DOT1L: variants seen among roughly 807,000 people sequenced by gnomAD.
DOT1L encodes histone-lysine N-methyltransferase, H3 lysine-79 specific.
DOT1L carries 33 observed loss-of-function variants against 153.3 expected under a neutral mutation model. The observed-to-expected ratio is 0.22, with a 90% CI of 0.16 to 0.29. DOT1L has a LOEUF of 0.29. DOT1L is among the 10% of genes least tolerant of loss of function. DOT1L has a pLI of 1.00. For synonymous variants in DOT1L, 1,135 were observed against 965.1 expected (o/e 1.18, Z -3.26); for missense variants, 1,847 against 2,119.9 (o/e 0.87, Z 2.53).
At chr19:2,215,925 G>A (rs1397673824) in intron 19 of DOT1L, 3 of 213,750 alleles carry the variant, frequency 1.4e-5, no homozygotes, top group South Asian at 1.6e-4. Flanking sequence ...CTCAGCGCCC[G>A]GGGAAGCTGC....
intron 16 of DOT1L, chr19:2,213,193 C>T: frequency 4.4e-6 from 1 of 228,668 alleles, no homozygotes; most frequent in Non-Finnish European, 8.8e-6. Context: ...GGCTTCCTTG[C>T]AGATCCATGT....
chr19:2,220,511 G>T lies in DOT1L; in HGVS notation c.2806+289G>T. 1.9e-6 allele frequency: 1 copy of T among 533,204 alleles called. No homozygotes were observed. Among genetic ancestry groups the T allele is most frequent in the Non-Finnish European group, 3.6e-6 (1 of 276,518 alleles). The allele number at this position is 533,204 out of a possible 1,614,324, so 33.0% of individuals were successfully genotyped here. On this transcript the variant is annotated intron_variant, in intron 23 of 27. Coordinates refer to ENST00000398665, the MANE Select transcript of DOT1L (RefSeq NM_032482.3). The surrounding 1 kb of genome is among the most constrained non-coding windows in gnomAD (Gnocchi z 4.5). ...GTGAGGTCGGCCCCAGTGCTCTCGG[G>T]GGCTCCTGTACTCACAGCTGGGAGG...
chr19:2,217,676 G>A lies in DOT1L; in HGVS notation c.2545-96G>A, dbSNP rs1369244221. On this transcript the variant is annotated intron_variant, in intron 21 of 27. Coordinates refer to ENST00000398665, the MANE Select transcript of DOT1L (RefSeq NM_032482.3). This position sits in a 1 kb window ranked among gnomAD's most constrained non-coding sequence, Gnocchi z 7.3. ...GCCTTGGCAGCGTGGGGGCCGCCTT[G>A]AGAGAGCTGTAGCAGGCCCCCGTCC... 10 of 1,496,382 alleles carry A rather than the reference G, an allele frequency of 6.7e-6. No individual in the cohort carries two copies. In the East Asian group the frequency reaches 1.5e-4, roughly 22 times the overall value. The allele number at this position is 1,496,382 out of a possible 1,614,324, so 92.7% of individuals were successfully genotyped here. A position where few individuals can be genotyped will look rare whatever the true frequency, so the allele number is the denominator to read the frequency against.
chr19:2,229,848 C>CGCG lies in DOT1L; in HGVS notation c.*59_*61dup. On this transcript the variant is annotated 3_prime_UTR_variant, in exon 28 of 28. Coordinates refer to ENST00000398665, the MANE Select transcript of DOT1L (RefSeq NM_032482.3). ...AGGACGGTGTGGACCAACTCGCGCC[C>CGCG]GCGGCATGGTGCCCGCCGGCCTGCC... The CGCG allele has an allele frequency of 6.2e-7, 1 of 1,612,022 alleles. No homozygotes were observed. Among genetic ancestry groups the CGCG allele is most frequent in the Non-Finnish European group, 8.5e-7 (1 of 1,179,848 alleles).
chr19:2,225,451 T>C lies in DOT1L; in HGVS notation c.3660T>C (p.Asn1220=), dbSNP rs767183417. Residue 1220 remains asparagine (N), a splice_region_variant and synonymous_variant, in exon 26 of 28, where the codon AAT becomes AAC. Transcript: ENST00000398665. ...AATCTCCCCCGAAAACCTTGGAAAA[T>C]GGTGAGTAACAAGTGTTTTGCGGCG... ...ESKSPPKTLE[N]GGGLAGRKPA... is the part of the protein sequence containing the mutation. The C allele has an allele frequency of 1.3e-5, 21 of 1,613,780 alleles. No individual in the cohort carries two copies. The highest frequency in any genetic ancestry group is 1.6e-5 in the Non-Finnish European group (19 of 1,179,968).
rs368200094 is a variant in DOT1L at position 2,201,370 on chromosome 19, C to T, written c.708-1330C>T. On this transcript the variant is annotated intron_variant, in intron 8 of 27. Coordinates refer to ENST00000398665, the MANE Select transcript of DOT1L (RefSeq NM_032482.3). ...CGTCCTCCCCGCTCCCCTCCTTCTC[C>T]CTGCATTCCTCATCCTCCCCATGCC... Among the ~76,000 whole-genome samples the T allele has an allele frequency of 2.0e-5, 3 of 152,092 alleles. No homozygotes were observed. The East Asian group carries it at 5.8e-4, about 29-fold the overall frequency.
intron 7 of DOT1L, among the ~76,000 whole-genome samples, chr19:2,196,500 T>G (rs1276821250): frequency 6.6e-6 from 1 of 152,150 alleles, no homozygotes; most frequent in Non-Finnish European, 1.5e-5. Context: ...GCCCGGCTAA[T>G]TTTTGTATTT....
At chr19:2,171,965 G>C (rs2021656889) in intron 1 of DOT1L, among the ~76,000 whole-genome samples, 1 of 152,100 alleles carries the variant, frequency 6.6e-6, no homozygotes, top group African/African-American at 2.4e-5. Context: ...CGTCCTTCCT[G>C]GTATCTCAGA....
rs573994766 is a variant in DOT1L at position 2,221,898 on chromosome 19, A to G, written c.2807-78A>G. The stretch of plus-strand genomic sequence containing the variant: ...CTCTCCTGGAGCCCACAGAGCTCCT[A>G]GGGGGTGGTGCTCCCACAGCAAGGC... On this transcript the variant is annotated intron_variant, in intron 23 of 27. Transcript: ENST00000398665. The G allele has an allele frequency of 1.2e-4, 173 of 1,395,588 alleles. 1 individual carries two copies. In the African/African-American group the frequency reaches 2.2e-3, roughly 18 times the overall value. The allele number at this position is 1,395,588 out of a possible 1,614,324, so 86.5% of individuals were successfully genotyped here.
chr19:2,226,831 G>T lies in DOT1L; in HGVS notation c.4310G>T (p.Ser1437Ile). The change falls in exon 27 of 28, where the codon AGC becomes ATC. Residue 1437 changes from serine (S) to isoleucine (I), a missense_variant. By Grantham distance (142) the Ser-to-Ile change is moderately radical. Coordinates refer to ENST00000398665, the MANE Select transcript of DOT1L (RefSeq NM_032482.3). ...FISAAAVPPG[S>I]LLSGPGLAPA... ...TCTGCGGCGGCCGTGCCTCCCGGAA[G>T]CCTCCTCAGCGGCCCCGGCCTGGCC... The T allele has an allele frequency of 6.3e-7, 1 of 1,580,806 alleles. No homozygotes were observed. The highest frequency in any genetic ancestry group is 8.5e-7 in the Non-Finnish European group (1 of 1,171,612).
chr19:2,197,261 C>T lies in DOT1L; in HGVS notation c.652-2623C>T, dbSNP rs553825902. 1.1e-4 allele frequency among the ~76,000 whole-genome samples: 16 copies of T among 152,326 alleles called. No individual in the cohort carries two copies. The highest frequency in any genetic ancestry group is 2.9e-4 in the African/African-American group (12 of 41,578). ...ATGGTGATTGTTCCCAAATGCTGTG[C>T]CCACAGTGGAAGCTGTGTGGTGTCC... On this transcript the variant is annotated intron_variant, in intron 7 of 27. Transcript: ENST00000398665. This position sits in a 1 kb window ranked among gnomAD's most constrained non-coding sequence, Gnocchi z 4.1.
chr19:2,191,795 C>T lies in DOT1L; in HGVS notation c.493+555C>T, dbSNP rs923925308. On this transcript the variant is annotated intron_variant, in intron 5 of 27. Transcript: ENST00000398665. This position sits in a 1 kb window ranked among gnomAD's most constrained non-coding sequence, Gnocchi z 6.8. ...CCCTGCCCCTCCCAGGTTGGGGCTC[C>T]CACCTGCTGGCATTCTTTCAGCCTC... Among the ~76,000 whole-genome samples the T allele has an allele frequency of 6.6e-6, 1 of 152,192 alleles. No individual in the cohort carries two copies. The highest frequency in any genetic ancestry group is 6.5e-5 in the Admixed American group (1 of 15,280).
chr19:2,228,411 A>G (rs2024458599), intron 27 of DOT1L: 3 of 1,247,742 alleles, frequency 2.4e-6, no homozygotes, highest in African/African-American at 1.6e-5. Flanking sequence ...GCGGTGGCTC[A>G]CTCCAGACAC....
intron 22 of DOT1L, among the ~76,000 whole-genome samples, chr19:2,218,735 C>A (rs1238996958): frequency 6.6e-6 from 1 of 151,766 alleles, no homozygotes; most frequent in African/African-American, 2.4e-5. Context: ...CTCATTCTGT[C>A]CCCCAGGCTG....
chr19:2,185,266 C>T (rs1444319731), intron 2 of DOT1L, among the ~76,000 whole-genome samples: 2 of 152,120 alleles, frequency 1.3e-5, no homozygotes, highest in African/African-American at 4.8e-5. Context: ...CCAGTGGGTC[C>T]CTAGACCAGC....
rs778985752 is a variant in DOT1L at position 2,222,420 on chromosome 19, G to A, written c.3251G>A (p.Arg1084His). 5.0e-6 allele frequency: 8 copies of A among 1,610,204 alleles called. No homozygotes were observed. The highest frequency in any genetic ancestry group is 2.2e-5 in the South Asian group (2 of 90,892). Residue 1084 changes from arginine (R) to histidine (H), a missense_variant, in exon 24 of 28, where the codon CGC becomes CAC. By Grantham distance (29) the Arg-to-His change is conservative (BLOSUM62 0). Around this residue, in one of 8 missense-constraint regions of DOT1L, gnomAD observed 934 missense variants for 825.3 expected, o/e 1.13. Coordinates refer to ENST00000398665, the MANE Select transcript of DOT1L (RefSeq NM_032482.3). The surrounding 1 kb of genome is among the most constrained non-coding windows in gnomAD (Gnocchi z 6.5). Reference protein sequence around the residue: ...DCVPSHGQDSRRRGRRKRASA... With the variant: ...DCVPSHGQDSHRRGRRKRASA... Reference sequence around the variant, plus strand: ...GTGCCGAGCCACGGGCAGGACAGTCGCAGGCGCGGCCGGCGGAAGCGAGCA... The same window carrying A: ...GTGCCGAGCCACGGGCAGGACAGTCACAGGCGCGGCCGGCGGAAGCGAGCA...
chr19:2,167,327 T>C (rs1356367111), intron 1 of DOT1L, among the ~76,000 whole-genome samples: 4 of 152,222 alleles, frequency 2.6e-5, no homozygotes, highest in Admixed American at 2.6e-4. Context: ...GGTAGTGGTC[T>C]TGCCAGGGAC....
In DOT1L at chr19:2,222,995, G is replaced by C. The variant is rs1442125651; in HGVS notation, c.3391-286G>C. On this transcript the variant is annotated intron_variant, in intron 24 of 27. Coordinates refer to ENST00000398665, the MANE Select transcript of DOT1L (RefSeq NM_032482.3). This position sits in a 1 kb window ranked among gnomAD's most constrained non-coding sequence, Gnocchi z 6.5. ...GAAGAGGCGGCCGACAGCTGTCTCTGGGGTTCGGAGTGCGATGCGCTGCCT... is the reference window on the plus strand; with the variant it reads ...GAAGAGGCGGCCGACAGCTGTCTCTCGGGTTCGGAGTGCGATGCGCTGCCT... 2 of 474,282 alleles carry C rather than the reference G, an allele frequency of 4.2e-6. No individual in the cohort carries two copies. Among genetic ancestry groups the C allele is most frequent in the Non-Finnish European group, 7.4e-6 (2 of 268,516 alleles). The allele number at this position is 474,282 out of a possible 1,614,324, so 29.4% of individuals were successfully genotyped here.
At chr19:2,167,832 T>C (rs1478391687) in intron 1 of DOT1L, among the ~76,000 whole-genome samples, 1 of 150,806 alleles carries the variant, frequency 6.6e-6, no homozygotes, top group African/African-American at 2.5e-5. Context: ...GCCTCCCAGG[T>C]TTCAGTGATT....
Sources: allele counts gnomAD v4.1 joint callset (sites outside exome capture counted in the v4.1 genomes callset), GRCh38; gene constraint gnomAD v4.1.1; regional missense constraint gnomAD v4.1.1; non-coding constraint Gnocchi (gnomAD v3.1); transcripts MANE v1.5; gene names NCBI Gene and HGNC (gene_info 2026-07-23, HGNC 2026-07-21).